Variants in ITGB5 observed in about 807,000 individuals in gnomAD.
ITGB5 encodes integrin beta-5.
Under a neutral mutation model 84.8 loss-of-function variants are expected in ITGB5, and 38 were observed. The observed-to-expected ratio is 0.45, with a 90% confidence interval of 0.35 to 0.59. ITGB5 has a LOEUF of 0.59. ITGB5 is among the 20% of genes least tolerant of loss of function. ITGB5 has a pLI of 0.01. For synonymous variants in ITGB5, 393 were observed against 414.4 expected (o/e 0.95, Z 0.63); for missense variants, 905 against 1,034.5 (o/e 0.87, Z 1.72).
At chr3:124,799,356 C>A (rs1416004466) in intron 9 of ITGB5, among the ~76,000 whole-genome samples, 3 of 152,024 alleles carry the variant, frequency 2.0e-5, no homozygotes, top group Non-Finnish European at 4.4e-5. Flanking sequence ...GCCAGGAGTT[C>A]GAGACCAACC....
At chr3:124,864,720 T>C (rs1483620385) in intron 2 of ITGB5, among the ~76,000 whole-genome samples, 1 of 151,798 alleles carries the variant, frequency 6.6e-6, no homozygotes, top group African/African-American at 2.4e-5. Flanking sequence ...CCTGCACATA[T>C]ACCCTCTGTA....
chr3:124,840,530 T>C (rs1279631514), intron 5 of ITGB5, among the ~76,000 whole-genome samples: 1 of 152,186 alleles, frequency 6.6e-6, no homozygotes, highest in Non-Finnish European at 1.5e-5. Context: ...TTTGCTAAGA[T>C]TGGAACCTCT....
chr3:124,844,233 GA>G (rs957806908), intron 4 of ITGB5, among the ~76,000 whole-genome samples: 5 of 80,966 alleles, frequency 6.2e-5, no homozygotes, highest in African/African-American at 1.9e-4. Context: ...AAAAAAAAAA[GA>G]AAACACCAAA....
At chr3:124,813,477 T>C (rs2064537281) in intron 8 of ITGB5, among the ~76,000 whole-genome samples, 1 of 152,138 alleles carries the variant, frequency 6.6e-6, no homozygotes, top group South Asian at 2.1e-4. Flanking sequence ...CAATCACAAG[T>C]ACTAGGTTGT....
intron 10 of ITGB5, among the ~76,000 whole-genome samples, chr3:124,794,643 G>A (rs1299944375): frequency 2.6e-5 from 4 of 152,110 alleles, no homozygotes; most frequent in East Asian, 1.9e-4. Context: ...TTTGCCAGGC[G>A]TGGTGGTGGG....
intron 5 of ITGB5, among the ~76,000 whole-genome samples, chr3:124,838,012 A>T (rs1336846320): frequency 6.6e-6 from 1 of 152,200 alleles, no homozygotes; most frequent in Non-Finnish European, 1.5e-5. Flanking sequence ...GATCAGGAGG[A>T]GACACAGCAT....
chr3:124,878,565 C>G (rs1231560893), intron 1 of ITGB5: 1 of 121,866 alleles, frequency 8.2e-6, no homozygotes, highest in Non-Finnish European at 1.8e-5. Context: ...GAGCACTGGA[C>G]TGGGGGGATG....
intron 1 of ITGB5, among the ~76,000 whole-genome samples, chr3:124,900,509 T>C (rs1350685957): frequency 2.0e-5 from 3 of 152,220 alleles, no homozygotes; most frequent in Non-Finnish European, 4.4e-5. Context: ...GGAAAAATGT[T>C]ACCAGGCCTG....
intron 9 of ITGB5, among the ~76,000 whole-genome samples, chr3:124,802,964 G>A (rs2064339252): frequency 6.6e-6 from 1 of 151,750 alleles, no homozygotes; most frequent in Non-Finnish European, 1.5e-5. Context: ...CGGGTCAGTT[G>A]CCTAGGACCC....
At chr3:124,889,509 T>G (rs1409010728), upstream of ITGB5, among the ~76,000 whole-genome samples, 5 of 152,232 alleles carry the variant, frequency 3.3e-5, no homozygotes, top group East Asian at 9.6e-4. Context: ...TGGCACATCC[T>G]TAACCTTGGC....
chr3:124,818,983 G>A (rs190284674), intron 7 of ITGB5, among the ~76,000 whole-genome samples: 1 of 152,252 alleles, frequency 6.6e-6, no homozygotes, highest in Non-Finnish European at 1.5e-5. Flanking sequence ...TCTCAGAGAC[G>A]AGTTTACATT....
chr3:124,791,966 G>A (rs1163379957), intron 10 of ITGB5: 3 of 152,228 alleles, frequency 2.0e-5, no homozygotes, highest in Admixed American at 6.5e-5. Flanking sequence ...CTATAACGCT[G>A]TGAAAGAAGC....
intron 1 of ITGB5, among the ~76,000 whole-genome samples, chr3:124,899,540 G>A (rs1026780750): frequency 6.6e-6 from 1 of 152,018 alleles, no homozygotes; most frequent in African/African-American, 2.4e-5. Context: ...CAAACAAAGA[G>A]GAAGTCATAT....
upstream of ITGB5, among the ~76,000 whole-genome samples, chr3:124,890,984 C>CA (rs1934988326): frequency 6.6e-6 from 1 of 152,070 alleles, no homozygotes; most frequent in Non-Finnish European, 1.5e-5. Context: ...CAAAACTCCC[C>CA]CCCCAGCCAC....
intron 1 of ITGB5, among the ~76,000 whole-genome samples, chr3:124,884,070 C>A (rs1328680333): frequency 1.3e-5 from 2 of 152,150 alleles, no homozygotes; most frequent in East Asian, 3.9e-4. Flanking sequence ...CCCAGGCAGG[C>A]ATGGCCCTGA....
intron 5 of ITGB5, among the ~76,000 whole-genome samples, chr3:124,839,310 C>T (rs905645670): frequency 8.5e-5 from 13 of 152,222 alleles, no homozygotes; most frequent in South Asian, 2.1e-4. Context: ...CTGCTAGCAT[C>T]GCCTCTGAAA....
rs142090854 is a variant in ITGB5, at chr3:124,827,857, C to T, written c.781-6383G>A. Among the ~76,000 whole-genome samples the T allele has an allele frequency of 5.8e-4, 88 of 152,268 alleles. No individual in the cohort carries two copies. The East Asian group carries it at 0.011, about 19-fold the overall frequency. On this transcript the variant is annotated intron_variant, in intron 5 of 14. Transcript: ENST00000296181. ...ATTACCTTGTGAAATTCCTTCTCCT[C>T]GCTCATCCTGGCTCAAAAGCTCCCC...
chr3:124,835,123 A>T (rs1579270990), intron 5 of ITGB5, among the ~76,000 whole-genome samples: 2 of 152,102 alleles, frequency 1.3e-5, no homozygotes, highest in African/African-American at 4.8e-5. Flanking sequence ...CAGGCACGTG[A>T]CTTGTTTACA....
At chr3:124,878,006 C>T (rs1385045236) in intron 1 of ITGB5, among the ~76,000 whole-genome samples, 1 of 152,164 alleles carries the variant, frequency 6.6e-6, no homozygotes, top group Non-Finnish European at 1.5e-5. Flanking sequence ...TCACGCCTGG[C>T]TAATTTTTGT....
Sources: gnomAD v4.1 joint callset for allele counts (sites outside exome capture counted in the v4.1 genomes callset) on GRCh38, gnomAD v4.1.1 for gene constraint, MANE v1.5 for transcripts, NCBI Gene and HGNC (gene_info 2026-07-23, HGNC 2026-07-21) for gene names.